ZFPM2: variants seen among roughly 807,000 people sequenced by gnomAD.
ZFPM2 encodes the protein zinc finger protein ZFPM2.
Under a neutral mutation model 98.6 loss-of-function variants are expected in ZFPM2, and 20 were observed. That is an observed-to-expected ratio of 0.20 (90% CI 0.14 to 0.29). The LOEUF (loss-of-function observed/expected upper bound fraction) is 0.29, where lower values mean the gene tolerates loss of function less well. ZFPM2 is among the 10% of genes least tolerant of loss of function. The pLI, the probability that ZFPM2 is intolerant of heterozygous loss-of-function variation, is 1.00. For missense variants in ZFPM2, 1,310 were observed against 1,388.6 expected, an observed-to-expected ratio of 0.94 and a Z score of 0.90; for synonymous variants, 518 against 502.7, an observed-to-expected ratio of 1.03 and a Z score of -0.41.
At chr8:105,661,308 G>C (rs927013188) in intron 5 of ZFPM2, among the ~76,000 whole-genome samples, 3 of 152,060 alleles carry the variant, frequency 2.0e-5, no homozygotes. Flanking sequence ...AGAATTTGGA[G>C]GTTTTTCATG....
At chr8:105,496,885 G>A (rs1397995492) in intron 3 of ZFPM2, among the ~76,000 whole-genome samples, 1 of 148,512 alleles carries the variant, frequency 6.7e-6, no homozygotes, top group Non-Finnish European at 1.5e-5. Context: ...GGGAGGCTGA[G>A]GCAGGAGAAT....
chr8:105,694,898 TAAC>T (rs1810978912), intron 5 of ZFPM2, among the ~76,000 whole-genome samples: 1 of 152,180 alleles, frequency 6.6e-6, no homozygotes, highest in South Asian at 2.1e-4. Context: ...TCTAGCATAT[TAAC>T]AATAATGACT....
In ZFPM2 at chr8:105,802,756, G is replaced by A. The variant is rs776822472; in HGVS notation, c.2674G>A (p.Gly892Ser). The change falls in exon 8 of 8, where the codon GGC becomes AGC. Residue 892 changes from glycine (G) to serine (S), a missense_variant. Gly to Ser is a moderately conservative substitution (Grantham distance 56). Coordinates refer to ENST00000407775, the MANE Select transcript of ZFPM2 (RefSeq NM_012082.4). ...GCGTAATGACCTGGGTCAACTGGAC[G>A]GCAAAGTGTTTCCGAATCCAGAAAG... ...HQRNDLGQLD[G>S]KVFPNPESER... The A allele has an allele frequency of 1.3e-5, 21 of 1,613,408 alleles. No homozygotes were observed. The highest frequency in any genetic ancestry group is 2.2e-5 in the South Asian group (2 of 91,002).
intron 3 of ZFPM2, among the ~76,000 whole-genome samples, chr8:105,515,582 C>G (rs1813902130): frequency 6.6e-6 from 1 of 152,232 alleles, no homozygotes; most frequent in East Asian, 1.9e-4. Context: ...TATTTAGAAA[C>G]CTTTGTAAGA....
chr8:105,756,853 G>A (rs1488407587), intron 5 of ZFPM2, among the ~76,000 whole-genome samples: 2 of 152,116 alleles, frequency 1.3e-5, no homozygotes, highest in Admixed American at 1.3e-4. Context: ...CTAAACCCGT[G>A]TGATCAATAG....
At chr8:105,428,880 T>C (rs894218250) in intron 2 of ZFPM2, among the ~76,000 whole-genome samples, 4 of 152,148 alleles carry the variant, frequency 2.6e-5, no homozygotes, top group African/African-American at 9.7e-5. Flanking sequence ...AGCAGTGCAT[T>C]CTAACAGGTT....
chr8:105,677,711 A>G (rs1586192015), intron 5 of ZFPM2, among the ~76,000 whole-genome samples: 1 of 152,232 alleles, frequency 6.6e-6, no homozygotes, highest in African/African-American at 2.4e-5. Context: ...TAAGAAAAAA[A>G]AAATAAAGTC....
intron 4 of ZFPM2, among the ~76,000 whole-genome samples, chr8:105,632,979 T>C (rs1816780990): frequency 2.6e-5 from 4 of 152,218 alleles, no homozygotes; most frequent in Admixed American, 2.6e-4. Flanking sequence ...TTTTAACAGT[T>C]GTAATATAAT....
chr8:105,419,341 T>C, intron 2 of ZFPM2, 39 bp downstream of exon 2: 1 of 1,587,924 alleles, frequency 6.3e-7, no homozygotes, highest in Non-Finnish European at 8.5e-7. Flanking sequence ...TGAGTCCACT[T>C]AAATGATTTT....
Position 105,394,747 on chromosome 8 carries a change from A to G in ZFPM2, c.41-24397A>G, listed in dbSNP as rs562221959. ...CCTTGTCTCACAGACAGTGAAGAAC[A>G]TGCCTTTTCCACCCTTGAGGCAATA... On this transcript the variant is annotated intron_variant, in intron 1 of 7. Transcript: ENST00000407775. Among the ~76,000 whole-genome samples, 35 of 152,336 alleles carry G rather than the reference A, an allele frequency of 2.3e-4. No individual in the cohort carries two copies. In the Middle Eastern group the frequency reaches 0.014, roughly 59 times the overall value.
intron 3 of ZFPM2, among the ~76,000 whole-genome samples, chr8:105,513,704 T>C (rs547801259): frequency 1.6e-4 from 24 of 152,368 alleles, no homozygotes; most frequent in Non-Finnish European, 2.8e-4. Context: ...AAATTGTCTT[T>C]TTGAAAAGTT....
chr8:105,480,772 AC>A (rs1314056708), intron 3 of ZFPM2, among the ~76,000 whole-genome samples: 1 of 146,514 alleles, frequency 6.8e-6, no homozygotes, highest in Non-Finnish European at 1.5e-5. Flanking sequence ...TTTTTTTGAG[AC>A]GGACTTTTGC....
intron 3 of ZFPM2, among the ~76,000 whole-genome samples, chr8:105,548,187 G>A (rs868566363): frequency 2.6e-5 from 4 of 151,860 alleles, no homozygotes; most frequent in Non-Finnish European, 4.4e-5. Context: ...TACACTGAGA[G>A]GACATGATAA....
chr8:105,603,293 T>G (rs1429505827), intron 4 of ZFPM2, among the ~76,000 whole-genome samples: 4 of 152,118 alleles, frequency 2.6e-5, no homozygotes, highest in Non-Finnish European at 5.9e-5. Flanking sequence ...CTCAAATGTT[T>G]CGTCGCTGGG....
rs1339718751 is a variant in ZFPM2 at position 105,691,384 on chromosome 8, GA to G, written c.532+57028del. Among the ~76,000 whole-genome samples, 12 of 142,634 alleles carry G rather than the reference GA, an allele frequency of 8.4e-5. 3 individuals carry two copies. The highest frequency in any genetic ancestry group is 1.9e-4 in the African/African-American group (7 of 36,744). The allele number at this position is 142,634 out of a possible 152,430, so 93.6% of individuals were successfully genotyped here. On this transcript the variant is annotated intron_variant, in intron 5 of 7. Transcript: ENST00000407775. ...CTGCCTCAGCCTCCCGAGTAGCCGG[GA>G]CTACGGGCGCCCGCCACCGCGCCCG... is the stretch of plus-strand genomic sequence containing the variant.
intron 3 of ZFPM2, among the ~76,000 whole-genome samples, chr8:105,475,410 C>A (rs1364263016): frequency 2.6e-5 from 4 of 152,196 alleles, no homozygotes. Flanking sequence ...AAATAAATAT[C>A]ATCAATCCTA....
chr8:105,637,741 C>T (rs1816875309), intron 5 of ZFPM2, among the ~76,000 whole-genome samples: 1 of 152,104 alleles, frequency 6.6e-6, no homozygotes, highest in African/African-American at 2.4e-5. Context: ...CGTATCCAAA[C>T]ACACTGGACT....
At chr8:105,410,135 TATTA>T (rs150250156) in intron 1 of ZFPM2, among the ~76,000 whole-genome samples, 82 of 152,048 alleles carry the variant, frequency 5.4e-4, no homozygotes, top group African/African-American at 1.9e-3. Flanking sequence ...ATACAAATTG[TATTA>T]ATTTAGAAGA....
intron 5 of ZFPM2, among the ~76,000 whole-genome samples, chr8:105,722,257 C>T (rs2165644): frequency 0.52 from 78,765 of 151,592 alleles, 24,111 homozygotes; most frequent in African/African-American, 0.87. Context: ...TTCTTTCATA[C>T]CAATATATTT....
Sources: gnomAD v4.1 joint callset for allele counts (sites outside exome capture counted in the v4.1 genomes callset) on GRCh38, gnomAD v4.1.1 for gene constraint, MANE v1.5 for transcripts, NCBI Gene and HGNC (gene_info 2026-07-23, HGNC 2026-07-21) for gene names.